GSE1: variants seen among roughly 807,000 people sequenced by gnomAD.
GSE1 encodes the protein genetic suppressor element 1.
A neutral mutation model predicts 112.6 loss-of-function variants in GSE1; 32 were observed. The ratio of observed to expected loss-of-function variants is 0.28; its 90% CI spans 0.21 to 0.38. The LOEUF (loss-of-function observed/expected upper bound fraction) is 0.38. Ranked by LOEUF, GSE1 falls within the 10% of genes least tolerant of loss-of-function variation. The pLI is 1.00. For missense variants in GSE1, 2,348 were observed against 1,699.2 expected, an observed-to-expected ratio of 1.38 and a Z score of -6.71; for synonymous variants, 1,115 against 735.6, an observed-to-expected ratio of 1.52 and a Z score of -8.35.
intron 1 of GSE1, among the ~76,000 whole-genome samples, chr16:85,580,749 T>G (rs1174278170): frequency 6.6e-6 from 1 of 152,228 alleles, no homozygotes; most frequent in Non-Finnish European, 1.5e-5. Flanking sequence ...GGTGGGCCCC[T>G]GCTCTGCTAG....
At chr16:85,253,732 C>T (rs1174294204) in intron 1 of GSE1, among the ~76,000 whole-genome samples, 1 of 152,190 alleles carries the variant, frequency 6.6e-6, no homozygotes, top group African/African-American at 2.4e-5. Flanking sequence ...GGCAAGAGTG[C>T]TCCCGGTGGA....
At chr16:85,578,635 A>G (rs911645694) in intron 1 of GSE1, among the ~76,000 whole-genome samples, 2 of 152,226 alleles carry the variant, frequency 1.3e-5, no homozygotes, top group Admixed American at 6.5e-5. Context: ...CAGGAATCTA[A>G]CAGAACAGCA....
intron 1 of GSE1, among the ~76,000 whole-genome samples, chr16:85,586,096 C>G (rs942470151): frequency 4.6e-5 from 7 of 152,206 alleles, no homozygotes; most frequent in Non-Finnish European, 8.8e-5. Context: ...CGTCCGTTCC[C>G]TGTGTCTCTT....
intron 1 of GSE1, among the ~76,000 whole-genome samples, chr16:85,230,990 AGGACAGATGGATGGAT>A (rs1171020416): frequency 1.3e-5 from 2 of 151,344 alleles, no homozygotes; most frequent in Non-Finnish European, 2.9e-5. Context: ...GATGGATAGA[AGGACAGATGGATGGAT>A]GGACAGATGG....
chr16:85,580,649 A>C (rs890846472), intron 1 of GSE1, among the ~76,000 whole-genome samples: 8 of 152,166 alleles, frequency 5.3e-5, no homozygotes, highest in African/African-American at 1.9e-4. Flanking sequence ...TGCTCCCCCA[A>C]ATTCAGATGT....
At chr16:85,206,179 G>A (rs972401963) in intron 1 of GSE1, among the ~76,000 whole-genome samples, 1 of 148,916 alleles carries the variant, frequency 6.7e-6, no homozygotes, top group Non-Finnish European at 1.5e-5. Flanking sequence ...AGGGGGGAGG[G>A]AAGCACCCAG....
chr16:85,173,951 T>G (rs759189994), intron 1 of GSE1, among the ~76,000 whole-genome samples: 1 of 152,152 alleles, frequency 6.6e-6, no homozygotes, highest in Non-Finnish European at 1.5e-5. Flanking sequence ...CCTTCTTATA[T>G]CATTTTATAG....
intron 1 of GSE1, among the ~76,000 whole-genome samples, chr16:85,222,675 C>G (rs549721138): frequency 6.6e-6 from 1 of 152,140 alleles, no homozygotes; most frequent in South Asian, 2.1e-4. Context: ...GTCCAGGAAA[C>G]GGAAAACGTG....
chr16:85,296,719 G>T (rs2045377385), intron 1 of GSE1, among the ~76,000 whole-genome samples: 1 of 152,226 alleles, frequency 6.6e-6, no homozygotes, highest in Non-Finnish European at 1.5e-5. Context: ...CGCTGACTGT[G>T]CACCGATTCT....
intron 2 of GSE1, among the ~76,000 whole-genome samples, chr16:85,369,622 T>C (rs1306276267): frequency 6.6e-6 from 1 of 152,140 alleles, no homozygotes; most frequent in East Asian, 1.9e-4. Flanking sequence ...TCCAGGATAC[T>C]CTCCCCATCT....
chr16:85,323,614 C>A (rs1417956246), intron 1 of GSE1, among the ~76,000 whole-genome samples: 1 of 152,150 alleles, frequency 6.6e-6, no homozygotes, highest in African/African-American at 2.4e-5. Flanking sequence ...GTGGTGGGAA[C>A]CTGCCAACTC....
chr16:85,634,880 G>A (rs1567688800), intron 2 of GSE1, among the ~76,000 whole-genome samples: 3 of 152,176 alleles, frequency 2.0e-5, no homozygotes, highest in African/African-American at 4.8e-5. Context: ...GGCAGTGGGC[G>A]GCTGGAGCTG....
At chr16:85,478,927 C>CCTTTCTTTCTT (rs2050578732) in intron 2 of GSE1, among the ~76,000 whole-genome samples, 3 of 28,046 alleles carry the variant, frequency 1.1e-4, no homozygotes, top group African/African-American at 4.6e-4. Flanking sequence ...TTCTTTCTTT[C>CCTTTCTTTCTT]TCTTTCTTTC....
At position 85,439,427 on chromosome 16, in the gene GSE1, G is replaced by T. The variant is rs529992563; in HGVS notation, c.2464+81784G>T. ...GGCTGGGGGTGCCCCTCCACCACTGGCTCAAATGGCCGAGCAGGAGGGGGA... is the reference window on the plus strand; with the variant it reads ...GGCTGGGGGTGCCCCTCCACCACTGTCTCAAATGGCCGAGCAGGAGGGGGA... On this transcript the variant is annotated intron_variant, in intron 2 of 2. Transcript: ENST00000637419. Among the ~76,000 whole-genome samples, 168 of 152,326 alleles carry T rather than the reference G, an allele frequency of 1.1e-3. 1 individual carries two copies. Among genetic ancestry groups the T allele is most frequent in the African/African-American group, 3.8e-3 (158 of 41,580 alleles).
chr16:85,206,544 G>C (rs2075119399), intron 1 of GSE1, among the ~76,000 whole-genome samples: 1 of 152,060 alleles, frequency 6.6e-6, no homozygotes, highest in Non-Finnish European at 1.5e-5. Flanking sequence ...GGTTTTCCCA[G>C]ATCCAGCTGC....
At chr16:85,187,246 C>G (rs890332139) in intron 1 of GSE1, among the ~76,000 whole-genome samples, 1 of 152,222 alleles carries the variant, frequency 6.6e-6, no homozygotes, top group Non-Finnish European at 1.5e-5. Context: ...GCTCCAGGGC[C>G]TTAATCAGGC....
In GSE1 at chr16:85,317,756, G is replaced by A. The variant is rs181416004; in HGVS notation, c.2284-39707G>A. On this transcript the variant is annotated intron_variant, in intron 1 of 2. Transcript: ENST00000637419. ...GCGCTGGCTCATTCGCTTTCCTGCCGCGCTGCCCACCAGTGTATCCAGCAC... is the reference window on the plus strand; with the variant it reads ...GCGCTGGCTCATTCGCTTTCCTGCCACGCTGCCCACCAGTGTATCCAGCAC... Among the ~76,000 whole-genome samples the A allele has an allele frequency of 2.3e-4, 35 of 152,280 alleles. 1 individual carries two copies. Among genetic ancestry groups the A allele is most frequent in the Admixed American group, 1.6e-3 (25 of 15,306 alleles).
chr16:85,368,336 C>T (rs1291878272), intron 2 of GSE1, among the ~76,000 whole-genome samples: 1 of 152,192 alleles, frequency 6.6e-6, no homozygotes, highest in Non-Finnish European at 1.5e-5. Flanking sequence ...GTCACTGGAG[C>T]ATCGGAGGAG....
chr16:85,390,773 T>C (rs35349949), intron 2 of GSE1, among the ~76,000 whole-genome samples: 43,918 of 144,852 alleles, frequency 0.3, 7,038 homozygotes, highest in South Asian at 0.44. Flanking sequence ...GTGCTGGCCT[T>C]GCCTGCTGAA....
Sources: gnomAD v4.1 joint callset for allele counts (sites outside exome capture counted in the v4.1 genomes callset) on GRCh38, gnomAD v4.1.1 for gene constraint, MANE v1.5 for transcripts, NCBI Gene and HGNC (gene_info 2026-07-23, HGNC 2026-07-21) for gene names.